The following CPA6 variants were observed in gnomAD, a reference collection of about 807,000 sequenced individuals.
The protein encoded by CPA6 is carboxypeptidase A6, also known as carboxypeptidase B.
Under a neutral mutation model 63.3 loss-of-function variants are expected in CPA6, and 58 were observed. The ratio of observed to expected loss-of-function variants is 0.92; its 90% CI spans 0.74 to 1.14. CPA6 has a LOEUF of 1.14. Ranked by LOEUF, CPA6 falls within the 50% of genes most tolerant of loss-of-function variation. The pLI, the probability that CPA6 is intolerant of heterozygous loss-of-function variation, is 0.00. For synonymous variants in CPA6, 185 were observed against 179.0 expected, an observed-to-expected ratio of 1.03 and a Z score of -0.27; for missense variants, 565 against 526.6, an observed-to-expected ratio of 1.07 and a Z score of -0.71.
intron 2 of CPA6, among the ~76,000 whole-genome samples, chr8:67,532,523 A>G (rs1184599381): frequency 6.6e-6 from 1 of 151,986 alleles, no homozygotes; most frequent in Non-Finnish European, 1.5e-5. Context: ...CAAAACAAAA[A>G]ATACGAAAAT....
At chr8:67,631,643 C>A (rs948239751) in intron 1 of CPA6, among the ~76,000 whole-genome samples, 2 of 152,242 alleles carry the variant, frequency 1.3e-5, no homozygotes, top group African/African-American at 4.8e-5. Context: ...TGTGAGCCAG[C>A]AGCGGCAACC....
Position 67,434,025 on chromosome 8 carries a change from G to C in CPA6, c.1041+13C>G, listed in dbSNP as rs778872244. 1.3e-6 allele frequency: 2 copies of C among 1,592,792 alleles called. No homozygotes were observed. The highest frequency in any genetic ancestry group is 1.3e-5 in the African/African-American group (1 of 74,470). ...ATGAAGCCTGATGTACATGCACAGG[G>C]TCAAATACTTACCACACATCTAAAA... On this transcript the variant is annotated intron_variant, in intron 9 of 10. Coordinates refer to ENST00000297770, the MANE Select transcript of CPA6 (RefSeq NM_020361.5).
At chr8:67,531,303 G>A (rs1812472736) in intron 2 of CPA6, among the ~76,000 whole-genome samples, 2 of 151,542 alleles carry the variant, frequency 1.3e-5, no homozygotes, top group South Asian at 4.2e-4. Flanking sequence ...AAATAAACAG[G>A]GATTACATTA....
chr8:67,528,346 G>T (rs1026802538), intron 2 of CPA6, among the ~76,000 whole-genome samples: 4 of 152,210 alleles, frequency 2.6e-5, no homozygotes, highest in Non-Finnish European at 5.9e-5. Context: ...GCAGAGGCTG[G>T]TTGGGTCAGG....
intron 1 of CPA6, among the ~76,000 whole-genome samples, chr8:67,745,759 C>T (rs1176946612): frequency 6.6e-6 from 1 of 152,158 alleles, no homozygotes; most frequent in Non-Finnish European, 1.5e-5. Context: ...GACAGAATCC[C>T]ATTCAACCCT....
chr8:67,461,261 T>C lies in CPA6; in HGVS notation c.838+22507A>G, dbSNP rs574530550. The stretch of plus-strand genomic sequence containing the variant: ...ACTTGAGATTAGGGAGTGGTGATGA[T>C]TCTTAACGAGCATGCTGCCTTCAAG... On this transcript the variant is annotated intron_variant, in intron 8 of 10. Transcript: ENST00000297770. Among the ~76,000 whole-genome samples, 66 of 142,462 alleles carry C rather than the reference T, an allele frequency of 4.6e-4. 1 individual carries two copies. Among genetic ancestry groups the C allele is most frequent in the East Asian group, 4.0e-3 (20 of 4,960 alleles). The allele number at this position is 142,462 out of a possible 152,430, so 93.5% of individuals were successfully genotyped here. A position where few individuals can be genotyped will look rare whatever the true frequency, so the allele number is the denominator to read the frequency against.
At chr8:67,630,036 C>G (rs556235805) in intron 1 of CPA6, among the ~76,000 whole-genome samples, 1 of 151,406 alleles carries the variant, frequency 6.6e-6, no homozygotes, top group African/African-American at 2.4e-5. Flanking sequence ...ACCTGGGAGG[C>G]GGAACTTGTA....
chr8:67,607,015 G>A (rs2128984242), intron 2 of CPA6, among the ~76,000 whole-genome samples: 1 of 151,948 alleles, frequency 6.6e-6, no homozygotes, highest in South Asian at 2.1e-4. Flanking sequence ...TTTCTCCTAG[G>A]AAGTTTCATT....
chr8:67,444,133 A>G (rs1047790429), intron 8 of CPA6, among the ~76,000 whole-genome samples: 2 of 151,792 alleles, frequency 1.3e-5, no homozygotes, highest in Admixed American at 6.6e-5. Flanking sequence ...CTGGGATTAC[A>G]GGCACCCGCC....
At chr8:67,674,869 C>A (rs778443919) in intron 1 of CPA6, among the ~76,000 whole-genome samples, 1 of 152,108 alleles carries the variant, frequency 6.6e-6, no homozygotes, top group Non-Finnish European at 1.5e-5. Context: ...ATGTCTTTTG[C>A]AGCAACATGG....
At chr8:67,438,633 A>G (rs1343248181) in intron 8 of CPA6, among the ~76,000 whole-genome samples, 6 of 152,224 alleles carry the variant, frequency 3.9e-5, no homozygotes. Flanking sequence ...CATATCTCAT[A>G]TCTACAGCGA....
At chr8:67,583,031 T>C (rs1365887809) in intron 2 of CPA6, among the ~76,000 whole-genome samples, 1 of 152,176 alleles carries the variant, frequency 6.6e-6, no homozygotes, top group African/African-American at 2.4e-5. Context: ...CAAGTATTGA[T>C]ATCTGGGTGG....
chr8:67,578,576 C>G lies in CPA6; in HGVS notation c.192+45600G>C, dbSNP rs926395009. On this transcript the variant is annotated intron_variant, in intron 2 of 10. Coordinates refer to ENST00000297770, the MANE Select transcript of CPA6 (RefSeq NM_020361.5). ...TGATTACCAAGATGGACTAGCCACCCTGTCTGCATCTGGTGTCCTCTTCCT... is the reference window on the plus strand; with the variant it reads ...TGATTACCAAGATGGACTAGCCACCGTGTCTGCATCTGGTGTCCTCTTCCT... Among the ~76,000 whole-genome samples the G allele has an allele frequency of 1.3e-5, 2 of 152,114 alleles. 1 individual carries two copies. The highest frequency in any genetic ancestry group is 2.9e-5 in the Non-Finnish European group (2 of 68,044).
At chr8:67,606,366 A>G (rs1199911191) in intron 2 of CPA6, among the ~76,000 whole-genome samples, 1 of 152,186 alleles carries the variant, frequency 6.6e-6, no homozygotes, top group Non-Finnish European at 1.5e-5. Flanking sequence ...AAATTAAAAA[A>G]AAGAATTCCA....
At chr8:67,484,525 G>T (rs1811432674) in intron 7 of CPA6, among the ~76,000 whole-genome samples, 154 bp downstream of exon 7, 1 of 152,158 alleles carries the variant, frequency 6.6e-6, no homozygotes, top group South Asian at 2.1e-4. Flanking sequence ...AATTGTTGGT[G>T]CTCTGATTGG....
chr8:67,644,316 C>G (rs1050861734), intron 1 of CPA6, among the ~76,000 whole-genome samples: 10 of 152,164 alleles, frequency 6.6e-5, no homozygotes, highest in African/African-American at 1.9e-4. Context: ...GACGGCGTTT[C>G]ACCATGTTAG....
intron 1 of CPA6, among the ~76,000 whole-genome samples, chr8:67,630,929 T>C (rs1317863229): frequency 6.6e-6 from 1 of 152,208 alleles, no homozygotes. Flanking sequence ...GTGCCATGCT[T>C]GAATTCTTGC....
chr8:67,430,832 A>G (rs755597009), intron 9 of CPA6, among the ~76,000 whole-genome samples: 2 of 152,010 alleles, frequency 1.3e-5, no homozygotes, highest in Non-Finnish European at 2.9e-5. Flanking sequence ...ACATTGCCAG[A>G]TGTCCATGGG....
chr8:67,462,498 C>T (rs970001136), intron 8 of CPA6, among the ~76,000 whole-genome samples: 1 of 152,208 alleles, frequency 6.6e-6, no homozygotes, highest in Non-Finnish European at 1.5e-5. Flanking sequence ...TTATTTCCCA[C>T]ATATGTGAGT....
Sources: allele counts gnomAD v4.1 joint callset (sites outside exome capture counted in the v4.1 genomes callset), GRCh38; gene constraint gnomAD v4.1.1; transcripts MANE v1.5; gene names NCBI Gene and HGNC (gene_info 2026-07-23, HGNC 2026-07-21).